The following RAB28 variants were observed in gnomAD, a reference collection of about 807,000 sequenced individuals.
RAB28 encodes RAB28, member RAS oncogene family, also known as ras-related protein Rab-28.
In RAB28, 24 loss-of-function variants were observed where a neutral mutation model predicts 31.7. The ratio of observed to expected loss-of-function variants is 0.76; its 90% confidence interval spans 0.55 to 1.06. RAB28 has a LOEUF of 1.06. Ranked by LOEUF, RAB28 falls within the 50% of genes least tolerant of loss-of-function variation. The probability of loss-of-function intolerance (pLI) is 0.00; values close to 1 mark genes in which losing one functional copy is unlikely to be tolerated. For missense variants in RAB28, 254 were observed against 258.5 expected (o/e 0.98, Z 0.12); for synonymous variants, 100 against 90.4 (o/e 1.11, Z -0.60).
chr4:13,401,109 T>C (rs780436760), intron 4 of RAB28, among the ~76,000 whole-genome samples: 4 of 152,218 alleles, frequency 2.6e-5, no homozygotes, highest in African/African-American at 4.8e-5. Flanking sequence ...ACCTTTGGTT[T>C]TCTGGAAAAG....
chr4:13,447,016 C>G (rs904032816), intron 4 of RAB28, among the ~76,000 whole-genome samples: 1 of 152,154 alleles, frequency 6.6e-6, no homozygotes, highest in Non-Finnish European at 1.5e-5. Flanking sequence ...GGCCCCAAAT[C>G]TTGGCATTAC....
At chr4:13,437,569 G>C (rs1714192803) in intron 4 of RAB28, among the ~76,000 whole-genome samples, 1 of 151,938 alleles carries the variant, frequency 6.6e-6, no homozygotes, top group Non-Finnish European at 1.5e-5. Flanking sequence ...TCTCAAAAGA[G>C]GACACGCAAG....
chr4:13,383,455 CTAG>C (rs778539402), intron 4 of RAB28, among the ~76,000 whole-genome samples: 1 of 151,892 alleles, frequency 6.6e-6, no homozygotes, highest in Non-Finnish European at 1.5e-5. Context: ...CATGGAAAGA[CTAG>C]TAGTACCATT....
rs151310241 is a variant in RAB28 at position 13,440,755 on chromosome 4, C to T, written c.391+19944G>A. 6.1e-3 allele frequency among the ~76,000 whole-genome samples: 933 copies of T among 152,004 alleles called. 16 individuals carry two copies. Among genetic ancestry groups the T allele is most frequent in the African/African-American group, 0.022 (903 of 41,450 alleles). On this transcript the variant is annotated intron_variant, in intron 4 of 6. Coordinates refer to ENST00000330852, the MANE Select transcript of RAB28 (RefSeq NM_001017979.3). Reference sequence around the variant, plus strand: ...CTCAGAATGTGAGTCCATTTGGAGACAGGGCCTTTAAAGAGGTAATTAAGG... The same window carrying T: ...CTCAGAATGTGAGTCCATTTGGAGATAGGGCCTTTAAAGAGGTAATTAAGG...
intron 4 of RAB28, among the ~76,000 whole-genome samples, chr4:13,449,568 G>C (rs1377876582): frequency 6.6e-6 from 1 of 151,878 alleles, no homozygotes; most frequent in Non-Finnish European, 1.5e-5. Context: ...TTCCTGGGCA[G>C]AGATAGTACT....
At chr4:13,396,918 T>TGA (rs1729896696) in intron 4 of RAB28, among the ~76,000 whole-genome samples, 2 of 152,138 alleles carry the variant, frequency 1.3e-5, no homozygotes, top group African/African-American at 4.8e-5. Context: ...TCAAATATTC[T>TGA]GAGATAATAA....
intron 3 of RAB28, among the ~76,000 whole-genome samples, chr4:13,470,299 C>A (rs1716061711): frequency 6.6e-6 from 1 of 152,006 alleles, no homozygotes; most frequent in South Asian, 2.1e-4. Context: ...GTAAGAAACA[C>A]TAACACAAAG....
intron 4 of RAB28, among the ~76,000 whole-genome samples, chr4:13,453,037 C>T (rs1009786005): frequency 6.6e-6 from 1 of 152,002 alleles, no homozygotes; most frequent in African/African-American, 2.4e-5. Flanking sequence ...TCCTTTGTCT[C>T]TTTGTACAGA....
chr4:13,378,867 A>G (rs949898330), intron 5 of RAB28, among the ~76,000 whole-genome samples: 6 of 152,164 alleles, frequency 3.9e-5, no homozygotes, highest in Non-Finnish European at 8.8e-5. Context: ...TCATCAGCTG[A>G]TAGAATAGAG....
At chr4:13,482,900 G>C (rs914882862) in intron 1 of RAB28, among the ~76,000 whole-genome samples, 2 of 152,224 alleles carry the variant, frequency 1.3e-5, no homozygotes, top group African/African-American at 4.8e-5. Context: ...AACTGTCAGG[G>C]AGGATGCAAA....
At chr4:13,407,102 A>AT (rs1453403104) in intron 4 of RAB28, among the ~76,000 whole-genome samples, 1 of 152,218 alleles carries the variant, frequency 6.6e-6, no homozygotes, top group Non-Finnish European at 1.5e-5. Flanking sequence ...CCTGAATGAT[A>AT]TTGCCTAGGT....
chr4:13,422,607 G>T (rs945561570), intron 4 of RAB28, among the ~76,000 whole-genome samples: 18 of 152,138 alleles, frequency 1.2e-4, no homozygotes, highest in African/African-American at 4.3e-4. Flanking sequence ...GCAGGGACAT[G>T]GACGAAGCTG....
intron 4 of RAB28, among the ~76,000 whole-genome samples, chr4:13,406,299 G>A (rs868685252): frequency 1.3e-5 from 2 of 152,156 alleles, no homozygotes; most frequent in African/African-American, 4.8e-5. Context: ...ATGGTTTCCA[G>A]CTTCATCCAT....
intron 4 of RAB28, among the ~76,000 whole-genome samples, chr4:13,454,955 G>A (rs935452378): frequency 2.7e-4 from 41 of 152,222 alleles, no homozygotes; most frequent in African/African-American, 9.9e-4. Context: ...TGGCCTAGGG[G>A]CATTTCTGCC....
At chr4:13,462,657 C>T (rs1715649897) in intron 3 of RAB28, among the ~76,000 whole-genome samples, 2 of 152,120 alleles carry the variant, frequency 1.3e-5, no homozygotes, top group Admixed American at 6.6e-5. Flanking sequence ...TTTCTTATCT[C>T]TAAAATTCGA....
At chr4:13,403,660 C>T (rs1711909430) in intron 4 of RAB28, among the ~76,000 whole-genome samples, 1 of 152,264 alleles carries the variant, frequency 6.6e-6, no homozygotes, top group South Asian at 2.1e-4. Context: ...TTGCCCACTG[C>T]TTCCTGTAAA....
chr4:13,370,307 C>T, intron 6 of RAB28: 1 of 964,098 alleles, frequency 1.0e-6, no homozygotes. Context: ...CCCAGAATTT[C>T]AGAAGACTGT....
chr4:13,373,977 ATG>A lies in RAB28; in HGVS notation c.573+2566_573+2567del, dbSNP rs748855842. On this transcript the variant is annotated intron_variant, in intron 6 of 6. Coordinates refer to ENST00000330852, the MANE Select transcript of RAB28 (RefSeq NM_001017979.3). ...TGTATGTATGTGTGTGTGTGTATATATGTGTGTGTGTATATATATATAATCTG... is the reference window on the plus strand; with the variant it reads ...TGTATGTATGTGTGTGTGTGTATATATGTGTGTGTATATATATATAATCTG... 1.1e-4 allele frequency among the ~76,000 whole-genome samples: 16 copies of A among 143,486 alleles called. No homozygotes were observed. In the East Asian group the frequency reaches 1.9e-3, roughly 17 times the overall value. The allele number at this position is 143,486 out of a possible 152,430, so 94.1% of individuals were successfully genotyped here. A position where few individuals can be genotyped will look rare whatever the true frequency, so the allele number is the denominator to read the frequency against.
At chr4:13,480,410 T>C (rs1245558315) in intron 1 of RAB28, among the ~76,000 whole-genome samples, 1 of 151,918 alleles carries the variant, frequency 6.6e-6, no homozygotes, top group Non-Finnish European at 1.5e-5. Flanking sequence ...GCTTTTATGC[T>C]CTTCAAGACA....
Sources: allele counts gnomAD v4.1 joint callset (sites outside exome capture counted in the v4.1 genomes callset), GRCh38; gene constraint gnomAD v4.1.1; transcripts MANE v1.5; gene names NCBI Gene and HGNC (gene_info 2026-07-23, HGNC 2026-07-21).